The following SESTD1 variants were observed in gnomAD, a reference collection of about 807,000 sequenced individuals.
SESTD1 encodes the protein SEC14 and spectrin domain containing 1.
SESTD1 carries 43 observed loss-of-function variants against 101.7 expected under a neutral mutation model. The observed-to-expected ratio is 0.42, with a 90% CI of 0.33 to 0.55. SESTD1 has a LOEUF of 0.55. Ranked by LOEUF, SESTD1 falls within the 20% of genes least tolerant of loss-of-function variation. SESTD1 has a pLI of 0.07. For missense variants in SESTD1, 647 were observed against 815.1 expected (o/e 0.79, Z 2.51); for synonymous variants, 283 against 286.8 (o/e 0.99, Z 0.13).
chr2:179,183,038 G>T, intron 3 of SESTD1, 42 bp downstream of exon 3: 1 of 1,346,612 alleles, frequency 7.4e-7, no homozygotes, highest in Non-Finnish European at 1.0e-6. Flanking sequence ...GTAACTGAAT[G>T]AAAACATACT....
At chr2:179,149,950 G>T (rs1335637072) in intron 6 of SESTD1, among the ~76,000 whole-genome samples, 1 of 152,216 alleles carries the variant, frequency 6.6e-6, no homozygotes, top group African/African-American at 2.4e-5. Flanking sequence ...GAAATAGGCT[G>T]GGTGCAGTAG....
intron 1 of SESTD1, among the ~76,000 whole-genome samples, chr2:179,194,402 A>T (rs920101599): frequency 3.3e-5 from 5 of 152,162 alleles, no homozygotes; most frequent in Non-Finnish European, 5.9e-5. Context: ...TTCCCAAATA[A>T]AAACTAAGCT....
At chr2:179,122,086 A>G (rs539329123) in intron 12 of SESTD1, among the ~76,000 whole-genome samples, 157 bp from the exon 13 acceptor site, 25 of 152,350 alleles carry the variant, frequency 1.6e-4, no homozygotes, top group African/African-American at 6.0e-4. Flanking sequence ...CCATCCTATG[A>G]ACATTTCAAG....
chr2:179,238,825 CTA>C (rs1181816220), intron 1 of SESTD1, among the ~76,000 whole-genome samples: 1 of 152,016 alleles, frequency 6.6e-6, no homozygotes, highest in Non-Finnish European at 1.5e-5. Flanking sequence ...TATTTTTTCT[CTA>C]TGTTCTTTAT....
chr2:179,111,059 AGACT>A (rs778619156), intron 17 of SESTD1, among the ~76,000 whole-genome samples: 1 of 152,178 alleles, frequency 6.6e-6, no homozygotes, highest in Non-Finnish European at 1.5e-5. Flanking sequence ...GTAGAACAGG[AGACT>A]GACTGTGTGA....
At chr2:179,135,782 G>T (rs1055461127) in intron 9 of SESTD1, among the ~76,000 whole-genome samples, 1 of 152,058 alleles carries the variant, frequency 6.6e-6, no homozygotes, top group Non-Finnish European at 1.5e-5. Flanking sequence ...AATCTAGACA[G>T]CAAAACTCAA....
chr2:179,165,925 G>T (rs1392683111), intron 5 of SESTD1, among the ~76,000 whole-genome samples: 1 of 152,138 alleles, frequency 6.6e-6, no homozygotes, highest in Non-Finnish European at 1.5e-5. Context: ...AAAAATGCAA[G>T]TTAATCTGAA....
chr2:179,142,637 C>G (rs1376169918), intron 9 of SESTD1, among the ~76,000 whole-genome samples: 2 of 152,218 alleles, frequency 1.3e-5, no homozygotes, highest in African/African-American at 4.8e-5. Flanking sequence ...CCATGCTACT[C>G]TTCATCCTCC....
chr2:179,244,979 T>C (rs1001002955), intron 1 of SESTD1, among the ~76,000 whole-genome samples: 8 of 152,162 alleles, frequency 5.3e-5, no homozygotes, highest in Non-Finnish European at 1.0e-4. Flanking sequence ...ATTATGTATA[T>C]ACAATTAATA....
At chr2:179,185,492 T>C (rs2046200293) in intron 2 of SESTD1, among the ~76,000 whole-genome samples, 1 of 140,746 alleles carries the variant, frequency 7.1e-6, no homozygotes, top group African/African-American at 2.6e-5. Context: ...ATATATACAA[T>C]ATATATTATA....
chr2:179,234,597 G>C (rs939045731), intron 1 of SESTD1, among the ~76,000 whole-genome samples: 1 of 152,074 alleles, frequency 6.6e-6, no homozygotes, highest in African/African-American at 2.4e-5. Flanking sequence ...GGCCAACATG[G>C]TGAAACCCCG....
At chr2:179,211,025 G>C (rs1310169286) in intron 1 of SESTD1, among the ~76,000 whole-genome samples, 1 of 131,078 alleles carries the variant, frequency 7.6e-6, no homozygotes, top group African/African-American at 3.0e-5. Flanking sequence ...CACACCAACA[G>C]CAACGAAGCT....
At chr2:179,174,370 G>A (rs1353464866) in intron 4 of SESTD1, 3 of 436,168 alleles carry the variant, frequency 6.9e-6, no homozygotes, top group African/African-American at 2.1e-5. Flanking sequence ...AAAAGAAATC[G>A]CAAGAGGGGA....
At position 179,112,856 on chromosome 2, in the gene SESTD1, TAAAAGAGCAACATCA is replaced by T; in HGVS notation, c.1840-26_1840-12del. On this transcript the variant is annotated splice_polypyrimidine_tract_variant and intron_variant, in intron 16 of 17. Transcript: ENST00000428443. ...ACAGTCCTGCAAAATCTGCAACAAA[TAAAAGAGCAACATCA>T]ATCAAGAGACACAGACAGGTCTGCA... is the stretch of plus-strand genomic sequence containing the variant. 6.2e-7 allele frequency: 1 copy of T among 1,603,820 alleles called. No homozygotes were observed. Among genetic ancestry groups the T allele is most frequent in the South Asian group, 1.1e-5 (1 of 89,502 alleles).
intron 8 of SESTD1, among the ~76,000 whole-genome samples, chr2:179,145,085 CTTCT>C (rs541771816): frequency 1.3e-5 from 2 of 152,014 alleles, no homozygotes; most frequent in African/African-American, 4.8e-5. Context: ...TCAGAATTTA[CTTCT>C]TTATTATTTA....
rs191121484 is a variant in SESTD1, at chr2:179,183,664, T to A, written c.56-476A>T. 9.9e-4 allele frequency among the ~76,000 whole-genome samples: 151 copies of A among 152,146 alleles called. 1 individual carries two copies. Among genetic ancestry groups the A allele is most frequent in the Admixed American group, 3.2e-3 (49 of 15,244 alleles). On this transcript the variant is annotated intron_variant, in intron 2 of 17. Transcript: ENST00000428443. Reference sequence around the variant, plus strand: ...CTGCAGTAAATGTGAAAAGTTTCACTGAAAAGTTAAGACTTGAGAAAAACA... The same window carrying A: ...CTGCAGTAAATGTGAAAAGTTTCACAGAAAAGTTAAGACTTGAGAAAAACA...
chr2:179,131,358 T>C (rs1234399852), intron 10 of SESTD1, among the ~76,000 whole-genome samples: 1 of 152,198 alleles, frequency 6.6e-6, no homozygotes, highest in Non-Finnish European at 1.5e-5. Context: ...TTCTTTAATC[T>C]TGTTTAGTTA....
chr2:179,146,607 T>C (rs763247000), intron 7 of SESTD1, 150 bp from the exon 8 acceptor site: 1 of 608,054 alleles, frequency 1.6e-6, no homozygotes, highest in Non-Finnish European at 2.8e-6. Context: ...CTCTCAAGCA[T>C]AAGGAAGCCC....
intron 5 of SESTD1, among the ~76,000 whole-genome samples, chr2:179,160,209 T>A (rs1271695976): frequency 1.3e-5 from 2 of 152,088 alleles, no homozygotes; most frequent in Admixed American, 6.6e-5. Context: ...CAACTAAAAG[T>A]AAGAACAAAA....
Sources: allele counts gnomAD v4.1 joint callset (sites outside exome capture counted in the v4.1 genomes callset), GRCh38; gene constraint gnomAD v4.1.1; transcripts MANE v1.5; gene names NCBI Gene and HGNC (gene_info 2026-07-23, HGNC 2026-07-21).